TNRC6B: variants seen among roughly 807,000 people sequenced by gnomAD.
The protein encoded by TNRC6B is trinucleotide repeat-containing gene 6B protein.
A neutral mutation model predicts 203.6 loss-of-function variants in TNRC6B; 52 were observed. The observed-to-expected ratio is 0.26, with a 90% CI of 0.20 to 0.32. TNRC6B has a LOEUF of 0.32. Among genes scored for constraint, TNRC6B ranks in the 10% least tolerant of loss-of-function variants. The pLI, the probability that TNRC6B is intolerant of heterozygous loss-of-function variation, is 1.00. For synonymous variants in TNRC6B, 838 were observed against 845.7 expected (o/e 0.99, Z 0.16); for missense variants, 1,923 against 2,286.2 (o/e 0.84, Z 3.24).
chr22:40,056,789 C>A (rs373070687), intron 1 of TNRC6B, among the ~76,000 whole-genome samples: 1 of 138,770 alleles, frequency 7.2e-6, no homozygotes, highest in Non-Finnish European at 1.5e-5. Flanking sequence ...CAGAGTGACA[C>A]CCTGTCTCAA....
intron 7 of TNRC6B, among the ~76,000 whole-genome samples, chr22:40,274,447 GTC>G (rs894502490): frequency 6.7e-6 from 1 of 148,158 alleles, no homozygotes. Flanking sequence ...TTGAGACGGA[GTC>G]TTGCTCTGTC....
chr22:40,257,130 C>G (rs1278152615), intron 3 of TNRC6B, among the ~76,000 whole-genome samples: 1 of 152,162 alleles, frequency 6.6e-6, no homozygotes, highest in African/African-American at 2.4e-5. Flanking sequence ...TGTATTTTAA[C>G]TACTACTTTA....
chr22:40,227,110 T>TTAC (rs1026907029), intron 1 of TNRC6B, among the ~76,000 whole-genome samples: 13 of 145,864 alleles, frequency 8.9e-5, no homozygotes, highest in Non-Finnish European at 1.5e-4. Context: ...ATTATTATTA[T>TTAC]TATTATTTGT....
At chr22:40,073,950 T>C (rs938531992) in intron 1 of TNRC6B, among the ~76,000 whole-genome samples, 5 of 151,902 alleles carry the variant, frequency 3.3e-5, no homozygotes, top group Non-Finnish European at 7.4e-5. Context: ...GTGCCTGTAG[T>C]CCCAGCTACT....
chr22:40,089,689 T>G (rs1025450481), intron 1 of TNRC6B, among the ~76,000 whole-genome samples: 1 of 152,232 alleles, frequency 6.6e-6, no homozygotes, highest in Non-Finnish European at 1.5e-5. Flanking sequence ...GATGAACTTA[T>G]GTTGGTACAC....
intron 7 of TNRC6B, chr22:40,276,797 A>G (rs574492242): frequency 1.7e-4 from 46 of 265,846 alleles, no homozygotes; most frequent in African/African-American, 9.7e-4. Context: ...AGAAAATCAT[A>G]TCAGACTTCT....
intron 3 of TNRC6B, among the ~76,000 whole-genome samples, chr22:40,139,902 G>T (rs2068631313): frequency 6.6e-6 from 1 of 152,096 alleles, no homozygotes; most frequent in Non-Finnish European, 1.5e-5. Context: ...AATGCACGAG[G>T]GTTCCAGTTT....
intron 12 of TNRC6B, among the ~76,000 whole-genome samples, chr22:40,292,065 G>A (rs544141690): frequency 6.6e-6 from 1 of 152,166 alleles, no homozygotes; most frequent in African/African-American, 2.4e-5. Flanking sequence ...GTGGTGGCAG[G>A]CGTCTGTAGT....
At chr22:40,069,564 C>T (rs529897990) in intron 1 of TNRC6B, among the ~76,000 whole-genome samples, 2 of 150,826 alleles carry the variant, frequency 1.3e-5, no homozygotes, top group African/African-American at 4.9e-5. Flanking sequence ...CTCGGCTCAC[C>T]GCAACCTCCG....
chr22:40,088,584 T>TGTGTGTGTGTGTGTGTG (rs2068120522), intron 1 of TNRC6B, among the ~76,000 whole-genome samples: 2 of 125,230 alleles, frequency 1.6e-5, no homozygotes, highest in East Asian at 4.7e-4. Context: ...GCGGCTACTT[T>TGTGTGTGTGTGTGTGTG]TGTGTGTGTG....
chr22:40,097,887 C>T lies in TNRC6B; in HGVS notation c.-120-19168C>T, dbSNP rs147427678. Among the ~76,000 whole-genome samples the T allele has an allele frequency of 8.4e-3, 1,283 of 152,016 alleles. 8 individuals carry two copies. The highest frequency in any genetic ancestry group is 0.027 in the Middle Eastern group (8 of 292). On this transcript the variant is annotated intron_variant, in intron 1 of 23. Coordinates refer to the TNRC6B transcript ENST00000301923. The stretch of plus-strand genomic sequence containing the variant: ...TAAGACAGGGTCTCGCTATGTTGCC[C>T]CAGCTAGCCTCAAAATCCTGAGCTC...
chr22:40,170,342 TTA>T (rs1399768331), intron 4 of TNRC6B, among the ~76,000 whole-genome samples: 7 of 78,498 alleles, frequency 8.9e-5, no homozygotes, highest in South Asian at 3.8e-4. Flanking sequence ...TATATATAGT[TTA>T]TATATATATT....
intron 1 of TNRC6B, among the ~76,000 whole-genome samples, chr22:40,196,803 G>A (rs2069342580): frequency 6.6e-6 from 1 of 152,082 alleles, no homozygotes; most frequent in African/African-American, 2.4e-5. Context: ...ATTGCTCTGA[G>A]TCATGCTGAG....
chr22:40,151,942 G>A (rs938322036), intron 3 of TNRC6B, among the ~76,000 whole-genome samples: 1 of 152,052 alleles, frequency 6.6e-6, no homozygotes, highest in Non-Finnish European at 1.5e-5. Context: ...AATTCCAGAA[G>A]GAGAGAACAG....
chr22:40,252,024 C>CA (rs2070202990), intron 3 of TNRC6B, among the ~76,000 whole-genome samples: 1 of 152,186 alleles, frequency 6.6e-6, no homozygotes, highest in African/African-American at 2.4e-5. Flanking sequence ...CCCCTTGGGT[C>CA]ATTCTCAATC....
At chr22:40,109,660 G>A (rs1176315383) in intron 1 of TNRC6B, among the ~76,000 whole-genome samples, 1 of 152,116 alleles carries the variant, frequency 6.6e-6, no homozygotes, top group Non-Finnish European at 1.5e-5. Flanking sequence ...GCTCTTTGAG[G>A]TCCTCCATAA....
chr22:40,242,561 G>T (rs2070045964), intron 1 of TNRC6B, among the ~76,000 whole-genome samples: 1 of 151,816 alleles, frequency 6.6e-6, no homozygotes, highest in East Asian at 1.9e-4. Context: ...CTCCTGAATA[G>T]CTGAGATTAC....
chr22:40,120,344 A>AAG (rs2068432784), intron 2 of TNRC6B, among the ~76,000 whole-genome samples: 2 of 151,878 alleles, frequency 1.3e-5, no homozygotes, highest in Admixed American at 6.6e-5. Context: ...TCAAAAAAAA[A>AAG]AAAAAAATAC....
intron 7 of TNRC6B, among the ~76,000 whole-genome samples, chr22:40,275,436 G>A (rs964744240): frequency 5.3e-5 from 8 of 152,210 alleles, no homozygotes; most frequent in East Asian, 1.9e-4. Flanking sequence ...TTTATATACC[G>A]AGGGCGTTTT....
Sources: allele counts gnomAD v4.1 joint callset (sites outside exome capture counted in the v4.1 genomes callset), GRCh38; gene constraint gnomAD v4.1.1; transcripts MANE v1.5; gene names NCBI Gene and HGNC (gene_info 2026-07-23, HGNC 2026-07-21).